The following VTI1A variants were observed in gnomAD, a reference collection of about 807,000 sequenced individuals.
The protein encoded by VTI1A is vesicle transport through interaction with t-SNAREs 1A.
Under a neutral mutation model 34.9 loss-of-function variants are expected in VTI1A, and 22 were observed. The ratio of observed to expected loss-of-function variants is 0.63; its 90% CI spans 0.45 to 0.90. The LOEUF is 0.90. Among genes scored for constraint, VTI1A ranks in the 40% least tolerant of loss-of-function variants. The pLI is 0.00. For synonymous variants in VTI1A, 87 were observed against 97.3 expected, an observed-to-expected ratio of 0.89 and a Z score of 0.62; for missense variants, 268 against 275.6, an observed-to-expected ratio of 0.97 and a Z score of 0.20.
chr10:112,551,175 CGG>C (rs1473368727), intron 5 of VTI1A, among the ~76,000 whole-genome samples: 4 of 134,924 alleles, frequency 3.0e-5, no homozygotes, highest in Non-Finnish European at 6.1e-5. Context: ...ACCCGGCGAG[CGG>C]AGCTTGCCGT....
At chr10:112,536,425 TTGACAAGCCTTAG>T (rs1850614840) in intron 4 of VTI1A, among the ~76,000 whole-genome samples, 1 of 152,208 alleles carries the variant, frequency 6.6e-6, no homozygotes, top group South Asian at 2.1e-4. Context: ...AAAGCTATTT[TTGACAAGCCTTAG>T]TAAAGTGTTT....
intron 7 of VTI1A, chr10:112,737,896 G>A (rs1293160853): frequency 9.4e-7 from 1 of 1,062,594 alleles, no homozygotes. Flanking sequence ...CTTTCAGCGA[G>A]TGTGAGGGAG....
At chr10:112,517,574 G>A (rs1849829977) in intron 3 of VTI1A, among the ~76,000 whole-genome samples, 1 of 152,032 alleles carries the variant, frequency 6.6e-6, no homozygotes, top group East Asian at 1.9e-4. Flanking sequence ...GAATAAACTT[G>A]ATAAACACTA....
chr10:112,595,143 C>T (rs986302230), intron 5 of VTI1A, among the ~76,000 whole-genome samples: 1 of 145,822 alleles, frequency 6.9e-6, no homozygotes, highest in Non-Finnish European at 1.5e-5. Context: ...TTCCTTACAC[C>T]TTATACAAAA....
chr10:112,849,422 C>G, the VTI1A span, among the ~76,000 whole-genome samples: 1 of 152,160 alleles, frequency 6.6e-6, no homozygotes, highest in Non-Finnish European at 1.5e-5. Context: ...GGAGCTGGAG[C>G]CTGGGGCAAC....
intron 1 of VTI1A, among the ~76,000 whole-genome samples, chr10:112,450,934 G>A (rs1344407222): frequency 6.6e-6 from 1 of 152,162 alleles, no homozygotes; most frequent in African/African-American, 2.4e-5. Context: ...CTTAAGTGGG[G>A]AATGTTTTCC....
At chr10:112,813,616 A>T (rs927323284) in intron 7 of VTI1A, among the ~76,000 whole-genome samples, 1 of 152,184 alleles carries the variant, frequency 6.6e-6, no homozygotes, top group Admixed American at 6.5e-5. Context: ...ACCAAGTAGC[A>T]CCGATCAGTG....
chr10:112,575,470 G>C (rs1852295537), intron 5 of VTI1A, among the ~76,000 whole-genome samples: 1 of 152,136 alleles, frequency 6.6e-6, no homozygotes, highest in Admixed American at 6.6e-5. Context: ...ATGGCCAATG[G>C]TACAGCAGTT....
intron 5 of VTI1A, among the ~76,000 whole-genome samples, chr10:112,570,649 C>A (rs1852085193): frequency 6.6e-6 from 1 of 152,164 alleles, no homozygotes; most frequent in Non-Finnish European, 1.5e-5. Flanking sequence ...CACGTAATAG[C>A]CAGAATACCT....
chr10:112,766,803 T>C (rs1302056993), intron 7 of VTI1A, among the ~76,000 whole-genome samples: 1 of 152,194 alleles, frequency 6.6e-6, no homozygotes, highest in Non-Finnish European at 1.5e-5. Context: ...ATAGCATAGG[T>C]ATTCTAAGTA....
chr10:112,662,901 A>C (rs1387605058), intron 5 of VTI1A, among the ~76,000 whole-genome samples: 2 of 144,458 alleles, frequency 1.4e-5, no homozygotes, highest in Admixed American at 7.8e-5. Flanking sequence ...TGCACTCCCA[A>C]CCTGTGTTTA....
At chr10:112,690,012 T>C (rs1306666215) in intron 7 of VTI1A, among the ~76,000 whole-genome samples, 1 of 152,192 alleles carries the variant, frequency 6.6e-6, no homozygotes, top group Non-Finnish European at 1.5e-5. Flanking sequence ...AATGGAATTA[T>C]ACAGTGTGTC....
At chr10:112,593,975 T>A (rs61872362) in intron 5 of VTI1A, among the ~76,000 whole-genome samples, 9,432 of 152,168 alleles carry the variant, frequency 0.062, 396 homozygotes, top group Non-Finnish European at 0.094. Context: ...AGTGGCGCTA[T>A]CTCAGCTCAC....
chr10:112,669,024 TTC>T (rs1163556856), intron 7 of VTI1A, 26 bp downstream of exon 7: 2 of 1,608,988 alleles, frequency 1.2e-6, no homozygotes, highest in African/African-American at 1.3e-5. Context: ...GGACATATCT[TTC>T]TCTCTGTGTG....
At chr10:112,504,651 G>C (rs987159717) in intron 3 of VTI1A, among the ~76,000 whole-genome samples, 1 of 152,130 alleles carries the variant, frequency 6.6e-6, no homozygotes. Context: ...TTCATAAGAA[G>C]TAGAATTACT....
intron 3 of VTI1A, among the ~76,000 whole-genome samples, chr10:112,484,596 C>G (rs1193353062): frequency 1.3e-5 from 2 of 152,004 alleles, no homozygotes; most frequent in Non-Finnish European, 2.9e-5. Context: ...AATGATTTAT[C>G]GATTTTCACT....
chr10:112,772,479 C>T (rs921866811), intron 7 of VTI1A, among the ~76,000 whole-genome samples: 5 of 152,198 alleles, frequency 3.3e-5, no homozygotes, highest in Non-Finnish European at 2.9e-5. Flanking sequence ...AACATGTTCT[C>T]CTATTCTACA....
At chr10:112,607,704 T>C (rs1845135945) in intron 5 of VTI1A, among the ~76,000 whole-genome samples, 1 of 152,204 alleles carries the variant, frequency 6.6e-6, no homozygotes, top group Non-Finnish European at 1.5e-5. Context: ...ACTCGGTCTC[T>C]CGGACTCATG....
downstream of VTI1A, among the ~76,000 whole-genome samples, chr10:112,821,174 C>G (rs1050659329): frequency 2.0e-5 from 3 of 152,232 alleles, no homozygotes; most frequent in Admixed American, 6.5e-5. Flanking sequence ...TCGCGCACCC[C>G]CTCCTTCCCT....
Sources: gnomAD v4.1 joint callset for allele counts (sites outside exome capture counted in the v4.1 genomes callset) on GRCh38, gnomAD v4.1.1 for gene constraint, MANE v1.5 for transcripts, NCBI Gene and HGNC (gene_info 2026-07-23, HGNC 2026-07-21) for gene names.